Variants in MAGI2 observed in about 807,000 individuals in gnomAD.
MAGI2 encodes the protein membrane-associated guanylate kinase, WW and PDZ domain-containing protein 2.
MAGI2 carries 35 observed loss-of-function variants against 133.3 expected under a neutral mutation model. The ratio of observed to expected loss-of-function variants is 0.26; its 90% CI spans 0.20 to 0.35. The LOEUF is 0.35. Among genes scored for constraint, MAGI2 ranks in the 10% least tolerant of loss-of-function variants. MAGI2 has a pLI of 1.00. For synonymous variants in MAGI2, 729 were observed against 710.6 expected (o/e 1.03, Z -0.41); for missense variants, 1,636 against 1,863.4 (o/e 0.88, Z 2.25).
intron 20 of MAGI2, among the ~76,000 whole-genome samples, chr7:78,095,713 T>A (rs1817634601): frequency 6.6e-6 from 1 of 152,154 alleles, no homozygotes. Context: ...TTAATGCTTT[T>A]AAAAATTCTG....
chr7:78,577,850 T>C (rs370164835), intron 3 of MAGI2, among the ~76,000 whole-genome samples: 4 of 152,244 alleles, frequency 2.6e-5, no homozygotes, highest in Non-Finnish European at 5.9e-5. Flanking sequence ...ACAGGGGATA[T>C]GATGGCTTAG....
intron 3 of MAGI2, among the ~76,000 whole-genome samples, chr7:78,549,840 T>C (rs1043910600): frequency 4.6e-5 from 7 of 152,234 alleles, no homozygotes; most frequent in African/African-American, 1.7e-4. Context: ...TTTGTTACCA[T>C]GAACTGAAAA....
At chr7:79,446,677 G>A (rs550526247) in intron 1 of MAGI2, among the ~76,000 whole-genome samples, 1 of 152,166 alleles carries the variant, frequency 6.6e-6, no homozygotes, top group African/African-American at 2.4e-5. Flanking sequence ...GGGGTTGGGC[G>A]CAGTGGCTCA....
At chr7:78,926,268 G>T (rs954443673) in intron 2 of MAGI2, among the ~76,000 whole-genome samples, 2 of 151,980 alleles carry the variant, frequency 1.3e-5, no homozygotes, top group Non-Finnish European at 2.9e-5. Flanking sequence ...CTTATTATTT[G>T]TGGATTTTCT....
chr7:79,268,966 G>A (rs913799393), intron 1 of MAGI2, among the ~76,000 whole-genome samples: 3 of 152,086 alleles, frequency 2.0e-5, no homozygotes, highest in East Asian at 1.9e-4. Flanking sequence ...ACTTAAACAC[G>A]TTTCACATTG....
chr7:79,340,040 T>G (rs937318573), intron 1 of MAGI2, among the ~76,000 whole-genome samples: 1 of 152,168 alleles, frequency 6.6e-6, no homozygotes, highest in Non-Finnish European at 1.5e-5. Flanking sequence ...TAATATATGC[T>G]TTCAATAGAT....
intron 2 of MAGI2, among the ~76,000 whole-genome samples, chr7:78,959,166 G>T (rs1022427817): frequency 2.0e-5 from 3 of 151,932 alleles, no homozygotes; most frequent in Admixed American, 2.0e-4. Context: ...TCATAATTAT[G>T]GTTGCTGAAA....
Position 79,323,136 on chromosome 7 carries a change from A to G in MAGI2, c.301+129884T>C, listed in dbSNP as rs1389596734. Among the ~76,000 whole-genome samples the G allele has an allele frequency of 9.9e-5, 15 of 152,204 alleles. No individual in the cohort carries two copies. The East Asian group carries it at 2.7e-3, about 27-fold the overall frequency. Reference sequence around the variant, plus strand: ...TGAGCCACTGTGCCTGGCCCCAGTTAGCTTTTAAATGACGTCCTCCTTCAT... The same window carrying G: ...TGAGCCACTGTGCCTGGCCCCAGTTGGCTTTTAAATGACGTCCTCCTTCAT... On this transcript the variant is annotated intron_variant, in intron 1 of 21. Coordinates refer to ENST00000354212, the MANE Select transcript of MAGI2 (RefSeq NM_012301.4).
intron 1 of MAGI2, among the ~76,000 whole-genome samples, chr7:79,306,203 GTATA>G: frequency 7.1e-6 from 1 of 141,498 alleles, no homozygotes; most frequent in East Asian, 2.0e-4. Context: ...ATATATACAT[GTATA>G]TATATATGTG....
At chr7:78,421,402 T>G (rs1384932425) in intron 6 of MAGI2, among the ~76,000 whole-genome samples, 1 of 152,208 alleles carries the variant, frequency 6.6e-6, no homozygotes, top group Non-Finnish European at 1.5e-5. Flanking sequence ...GTAGACATAA[T>G]TTACTTTTCC....
chr7:78,151,896 G>T (rs767187344), intron 16 of MAGI2, among the ~76,000 whole-genome samples: 1 of 152,074 alleles, frequency 6.6e-6, no homozygotes, highest in Non-Finnish European at 1.5e-5. Flanking sequence ...TGAGGATTGC[G>T]CTGGATCACT....
chr7:78,869,338 A>G (rs970320138), intron 2 of MAGI2, among the ~76,000 whole-genome samples: 1 of 152,184 alleles, frequency 6.6e-6, no homozygotes, highest in Non-Finnish European at 1.5e-5. Context: ...GTTATCTTCT[A>G]GAATTTTTAT....
chr7:79,235,405 T>G (rs1831820063), intron 1 of MAGI2, among the ~76,000 whole-genome samples: 1 of 152,144 alleles, frequency 6.6e-6, no homozygotes, highest in African/African-American at 2.4e-5. Flanking sequence ...CGCTGCCGCC[T>G]TGCAGTTTGA....
chr7:78,125,561 TG>T, intron 20 of MAGI2, 132 bp downstream of exon 20: 1 of 774,378 alleles, frequency 1.3e-6, no homozygotes, highest in Non-Finnish European at 2.0e-6. Flanking sequence ...TTTAAGAAAC[TG>T]GGTCATCATC....
At chr7:78,404,247 G>A (rs1797168727) in intron 6 of MAGI2, among the ~76,000 whole-genome samples, 1 of 152,062 alleles carries the variant, frequency 6.6e-6, no homozygotes, top group Non-Finnish European at 1.5e-5. Context: ...TAGTGCCCAA[G>A]GTAATTTATA....
chr7:79,093,416 G>A (rs990466526), intron 1 of MAGI2, among the ~76,000 whole-genome samples: 7 of 152,114 alleles, frequency 4.6e-5, no homozygotes, highest in African/African-American at 1.7e-4. Flanking sequence ...TTGCAATAAA[G>A]TAAGTCACAT....
chr7:79,110,177 C>T (rs543997468), intron 1 of MAGI2, among the ~76,000 whole-genome samples: 1 of 152,152 alleles, frequency 6.6e-6, no homozygotes, highest in African/African-American at 2.4e-5. Flanking sequence ...GGTGCCCAGG[C>T]AGAAGCTTGC....
intron 1 of MAGI2, among the ~76,000 whole-genome samples, chr7:79,164,616 C>CT (rs1192227951): frequency 2.6e-5 from 4 of 151,802 alleles, no homozygotes; most frequent in East Asian, 3.9e-4. Flanking sequence ...TGAACATTTC[C>CT]TTTTTTTTGA....
At chr7:78,670,186 C>A (rs913009581) in intron 2 of MAGI2, among the ~76,000 whole-genome samples, 1 of 152,012 alleles carries the variant, frequency 6.6e-6, no homozygotes, top group South Asian at 2.1e-4. Flanking sequence ...TTGTCTCAGC[C>A]CAAAATCTTC....
Sources: gnomAD v4.1 joint callset for allele counts (sites outside exome capture counted in the v4.1 genomes callset) on GRCh38, gnomAD v4.1.1 for gene constraint, MANE v1.5 for transcripts, NCBI Gene and HGNC (gene_info 2026-07-23, HGNC 2026-07-21) for gene names.